Variants in GTF2A1L observed in about 807,000 individuals in gnomAD.
GTF2A1L encodes general transcription factor IIA subunit 1 like, also known as TFIIA-alpha and beta-like factor.
In GTF2A1L, 48 loss-of-function variants were observed where a neutral mutation model predicts 49.7. That is an observed-to-expected ratio of 0.97 (90% CI 0.77 to 1.23). GTF2A1L has a LOEUF of 1.23. GTF2A1L is among the 50% of genes most tolerant of loss of function. The probability of loss-of-function intolerance (pLI) is 0.00; values close to 1 mark genes in which losing one functional copy is unlikely to be tolerated. For synonymous variants in GTF2A1L, 246 were observed against 193.5 expected, an observed-to-expected ratio of 1.27 and a Z score of -2.25; for missense variants, 736 against 564.8, an observed-to-expected ratio of 1.30 and a Z score of -3.07.
At chr2:48,651,678 C>T (rs1677855385) in intron 6 of GTF2A1L, among the ~76,000 whole-genome samples, 1 of 151,992 alleles carries the variant, frequency 6.6e-6, no homozygotes, top group South Asian at 2.1e-4. Context: ...TATATTAGAG[C>T]CACGGTTTTG....
At chr2:48,644,617 C>T (rs1387098857) in intron 4 of GTF2A1L, among the ~76,000 whole-genome samples, 1 of 152,078 alleles carries the variant, frequency 6.6e-6, no homozygotes, top group African/African-American at 2.4e-5. Flanking sequence ...AAAAATTATC[C>T]TCCAAAAGGG....
intron 6 of GTF2A1L, among the ~76,000 whole-genome samples, chr2:48,649,850 C>T (rs1677748555): frequency 6.6e-6 from 1 of 152,236 alleles, no homozygotes; most frequent in African/African-American, 2.4e-5. Context: ...ACTCTTCCTT[C>T]CTCACATGAA....
At chr2:48,639,531 C>T (rs1006464255) in intron 3 of GTF2A1L, among the ~76,000 whole-genome samples, 2 of 152,092 alleles carry the variant, frequency 1.3e-5, no homozygotes, top group African/African-American at 4.8e-5. Flanking sequence ...TTTCTTACAC[C>T]ACATACAAAA....
At chr2:48,676,308 CT>C (rs1186004979) in intron 8 of GTF2A1L, among the ~76,000 whole-genome samples, 3 of 151,774 alleles carry the variant, frequency 2.0e-5, no homozygotes, top group African/African-American at 7.2e-5. Flanking sequence ...ATTTGAACCA[CT>C]ATGTATATAA....
chr2:48,623,382 G>A (rs1048934329), intron 3 of GTF2A1L, among the ~76,000 whole-genome samples: 4 of 152,218 alleles, frequency 2.6e-5, no homozygotes, highest in Non-Finnish European at 5.9e-5. Flanking sequence ...ATGAGATACC[G>A]TCTCACACTA....
rs1046167503 is a variant in GTF2A1L at position 48,617,891 on chromosome 2, C to G, written c.17C>G (p.Pro6Arg). The G allele has an allele frequency of 2.1e-5, 32 of 1,551,728 alleles. No individual in the cohort carries two copies. The highest frequency in any genetic ancestry group is 2.8e-5 in the Non-Finnish European group (32 of 1,147,064). Residue 6 changes from proline to arginine, a missense_variant, in exon 1 of 9, where the codon CCG becomes CGG. By Grantham distance (103) the Pro-to-Arg change is moderately radical (BLOSUM62 -2). Transcript: ENST00000403751. ...GGTGCTGTCATGGCCTGCCTCAACCCGGTGGTAAGGAAGACCTCAGGCTCT... is the reference window on the plus strand; with the variant it reads ...GGTGCTGTCATGGCCTGCCTCAACCGGGTGGTAAGGAAGACCTCAGGCTCT... MACLN[P>R]VPKLYRSVIE...
At chr2:48,644,442 G>A (rs903621476) in intron 4 of GTF2A1L, among the ~76,000 whole-genome samples, 11 of 152,078 alleles carry the variant, frequency 7.2e-5, no homozygotes, top group African/African-American at 2.7e-4. Flanking sequence ...ACAAACTTTT[G>A]TTGGTGAACA....
Position 48,645,091 on chromosome 2 carries a change from C to G in GTF2A1L, c.362C>G (p.Ala121Gly). The G allele has an allele frequency of 1.2e-6, 2 of 1,612,702 alleles. No individual in the cohort carries two copies. Among genetic ancestry groups the G allele is most frequent in the Non-Finnish European group, 1.7e-6 (2 of 1,179,470 alleles). ...CCTGGTTATCCCATTCATGTACCAG[C>G]AGGTGTGACACTACAGACTGTATCT... ...TFPGYPIHVPAGVTLQTVSGH... is the reference protein window; with the variant it reads ...TFPGYPIHVPGGVTLQTVSGH... Residue 121 changes from alanine (A) to glycine (G), a missense_variant, in exon 5 of 9, where the codon GCA becomes GGA. Physicochemically the swap from Ala to Gly is moderately conservative, Grantham distance 60. Transcript: ENST00000403751.
At chr2:48,646,375 T>A in intron 5 of GTF2A1L, 78 bp from the exon 6 acceptor site, 1 of 882,962 alleles carries the variant, frequency 1.1e-6, no homozygotes. Flanking sequence ...TGGATGAGAT[T>A]TTTTTTTTTT....
At chr2:48,663,130 T>TA (rs1224476237) in intron 6 of GTF2A1L, among the ~76,000 whole-genome samples, 1 of 152,120 alleles carries the variant, frequency 6.6e-6, no homozygotes, top group African/African-American at 2.4e-5. Flanking sequence ...ATTAAAATAT[T>TA]ACGCATTCTA....
chr2:48,633,897 G>GTTT (rs1558713012), intron 3 of GTF2A1L, among the ~76,000 whole-genome samples: 1 of 151,892 alleles, frequency 6.6e-6, no homozygotes, highest in Non-Finnish European at 1.5e-5. Context: ...GGCCTTCTTT[G>GTTT]TTTTTTATTG....
At chr2:48,666,266 C>T (rs1434649196) in intron 6 of GTF2A1L, among the ~76,000 whole-genome samples, 4 of 150,974 alleles carry the variant, frequency 2.6e-5, no homozygotes, top group African/African-American at 7.3e-5. Flanking sequence ...AGTGCAGTGG[C>T]GCGATCTCAG....
intron 6 of GTF2A1L, among the ~76,000 whole-genome samples, chr2:48,669,279 G>A (rs902110377): frequency 1.3e-5 from 2 of 152,250 alleles, no homozygotes; most frequent in South Asian, 2.1e-4. Context: ...AATCATGTAA[G>A]ATTTGTCCTT....
chr2:48,642,355 A>C (rs1400902910), intron 3 of GTF2A1L, 47 bp from the exon 4 acceptor site: 2 of 1,474,202 alleles, frequency 1.4e-6, no homozygotes, highest in Middle Eastern at 2.3e-4. Context: ...GATTTTATTA[A>C]ATTGGTAAAT....
intron 3 of GTF2A1L, among the ~76,000 whole-genome samples, chr2:48,622,911 G>A (rs1036658484): frequency 7.5e-6 from 1 of 132,986 alleles, no homozygotes; most frequent in South Asian, 2.6e-4. Flanking sequence ...TTTGCCGCAA[G>A]ATGGTAATAT....
intron 3 of GTF2A1L, among the ~76,000 whole-genome samples, chr2:48,636,318 A>G (rs1339022263): frequency 6.6e-6 from 1 of 152,214 alleles, no homozygotes; most frequent in Non-Finnish European, 1.5e-5. Flanking sequence ...CTCGTAAAAT[A>G]TTAAAAGGAA....
chr2:48,671,555 A>G (rs562527558), intron 7 of GTF2A1L, 36 bp from the exon 8 acceptor site: 7 of 1,594,288 alleles, frequency 4.4e-6, no homozygotes, highest in Middle Eastern at 1.7e-4. Flanking sequence ...TTAAAGCATC[A>G]TAAAATTCCT....
At chr2:48,671,994 G>A (rs1000400462) in intron 8 of GTF2A1L, among the ~76,000 whole-genome samples, 6 of 152,208 alleles carry the variant, frequency 3.9e-5, no homozygotes, top group African/African-American at 7.2e-5. Flanking sequence ...TAAATCAAAT[G>A]CTAAAATATG....
At chr2:48,644,756 A>G (rs553294321) in intron 4 of GTF2A1L, among the ~76,000 whole-genome samples, 19 of 152,264 alleles carry the variant, frequency 1.2e-4, no homozygotes, top group African/African-American at 4.3e-4. Context: ...CTGCAAAGCT[A>G]TGTCTTGGGC....
Sources: allele counts gnomAD v4.1 joint callset (sites outside exome capture counted in the v4.1 genomes callset), GRCh38; gene constraint gnomAD v4.1.1; transcripts MANE v1.5; gene names NCBI Gene and HGNC (gene_info 2026-07-23, HGNC 2026-07-21).